Variants in KHDRBS2 observed in about 807,000 individuals in gnomAD.
KHDRBS2 encodes the protein KH RNA binding domain containing, signal transduction associated 2.
KHDRBS2 carries 26 observed loss-of-function variants against 44.3 expected under a neutral mutation model. The observed-to-expected ratio is 0.59, with a 90% CI of 0.43 to 0.81. The LOEUF is 0.81. KHDRBS2 is among the 40% of genes least tolerant of loss of function. KHDRBS2 has a pLI of 0.00. For missense variants in KHDRBS2, 476 were observed against 433.1 expected (o/e 1.10, Z -0.88); for synonymous variants, 194 against 151.1 (o/e 1.28, Z -2.08).
At chr6:62,274,309 T>C (rs1840563875) in intron 1 of KHDRBS2, among the ~76,000 whole-genome samples, 1 of 152,182 alleles carries the variant, frequency 6.6e-6, no homozygotes, top group Non-Finnish European at 1.5e-5. Context: ...CTTGTACCTA[T>C]CCAATCCAGT....
intron 2 of KHDRBS2, among the ~76,000 whole-genome samples, chr6:62,064,998 A>C (rs1793204571): frequency 6.6e-6 from 1 of 152,188 alleles, no homozygotes; most frequent in South Asian, 2.1e-4. Flanking sequence ...TCTCAAAAGA[A>C]GACATTTATG....
the KHDRBS2 span, among the ~76,000 whole-genome samples, chr6:61,616,115 A>G: frequency 0.2 from 30,080 of 152,078 alleles, 3,444 homozygotes; most frequent in South Asian, 0.33. Context: ...GGAACTAACT[A>G]TAGACAAACG....
At chr6:61,716,994 C>T (rs763410415) in intron 7 of KHDRBS2, among the ~76,000 whole-genome samples, 9 of 152,170 alleles carry the variant, frequency 5.9e-5, no homozygotes, top group Non-Finnish European at 1.2e-4. Context: ...GGCATGTTGA[C>T]ATGCCTTGAT....
chr6:61,600,373 A>T, the KHDRBS2 span, among the ~76,000 whole-genome samples: 2 of 152,148 alleles, frequency 1.3e-5, no homozygotes, highest in African/African-American at 2.4e-5. Context: ...TGACATTACC[A>T]TGTGAAATTC....
intron 1 of KHDRBS2, among the ~76,000 whole-genome samples, chr6:62,196,775 T>G (rs986764542): frequency 2.0e-5 from 3 of 151,974 alleles, no homozygotes; most frequent in African/African-American, 7.2e-5. Context: ...AGGCAAGGAC[T>G]TGGGGGATTT....
At chr6:61,564,435 C>G in the KHDRBS2 span, among the ~76,000 whole-genome samples, 2 of 152,064 alleles carry the variant, frequency 1.3e-5, no homozygotes, top group East Asian at 3.9e-4. Context: ...ACATGGCCCA[C>G]ATTTACATAA....
At chr6:61,955,470 A>ATATACACATACGTATGTGTATG (rs1766753961) in intron 4 of KHDRBS2, among the ~76,000 whole-genome samples, 1 of 33,168 alleles carries the variant, frequency 3.0e-5, no homozygotes, top group Non-Finnish European at 5.4e-5. Flanking sequence ...ATATGTGTAT[A>ATATACACATACGTATGTGTATG]TATACACATA....
At chr6:61,662,725 G>T in the KHDRBS2 span, among the ~76,000 whole-genome samples, 1 of 151,892 alleles carries the variant, frequency 6.6e-6, no homozygotes, top group Non-Finnish European at 1.5e-5. Context: ...AGTTAGAATG[G>T]CGATCATTAA....
chr6:61,593,749 A>T, the KHDRBS2 span, among the ~76,000 whole-genome samples: 1 of 152,136 alleles, frequency 6.6e-6, no homozygotes, highest in Non-Finnish European at 1.5e-5. Context: ...AGTGTCTGTA[A>T]TATCTGTATG....
At chr6:61,702,864 C>T (rs1047096571) in intron 7 of KHDRBS2, among the ~76,000 whole-genome samples, 1 of 151,784 alleles carries the variant, frequency 6.6e-6, no homozygotes, top group African/African-American at 2.4e-5. Context: ...AGTCAAAAAG[C>T]CAAAATCGTG....
the KHDRBS2 span, among the ~76,000 whole-genome samples, chr6:61,613,561 T>C: frequency 6.6e-6 from 1 of 152,166 alleles, no homozygotes; most frequent in Non-Finnish European, 1.5e-5. Context: ...CATCCACATT[T>C]CTTTTTTTCT....
At chr6:62,202,916 A>C (rs1827273031) in intron 1 of KHDRBS2, among the ~76,000 whole-genome samples, 2 of 152,136 alleles carry the variant, frequency 1.3e-5, no homozygotes, top group Non-Finnish European at 2.9e-5. Context: ...AGCTTATGGC[A>C]GAAAAGGTCA....
At chr6:61,551,425 C>T in the KHDRBS2 span, among the ~76,000 whole-genome samples, 1 of 152,146 alleles carries the variant, frequency 6.6e-6, no homozygotes, top group African/African-American at 2.4e-5. Context: ...GCATCATTGT[C>T]ATGAAATCTT....
At chr6:61,819,032 T>C (rs1005164036) in intron 6 of KHDRBS2, among the ~76,000 whole-genome samples, 1 of 152,020 alleles carries the variant, frequency 6.6e-6, no homozygotes, top group Admixed American at 6.6e-5. Flanking sequence ...AATTAACTAC[T>C]TCCTCTAATT....
At chr6:61,734,966 C>T (rs1361508220) in intron 6 of KHDRBS2, among the ~76,000 whole-genome samples, 1 of 152,166 alleles carries the variant, frequency 6.6e-6, no homozygotes, top group African/African-American at 2.4e-5. Context: ...AGGCCTCTTT[C>T]ACCATTGTTG....
intron 4 of KHDRBS2, among the ~76,000 whole-genome samples, chr6:61,918,439 T>G (rs184357304): frequency 1.8e-3 from 279 of 151,988 alleles, no homozygotes; most frequent in African/African-American, 6.2e-3. Flanking sequence ...GGTTTGGATG[T>G]TGTTAGGAAG....
the KHDRBS2 span, among the ~76,000 whole-genome samples, chr6:61,594,549 C>T: frequency 1.3e-5 from 2 of 151,964 alleles, no homozygotes; most frequent in Non-Finnish European, 2.9e-5. Context: ...TTAAAATGGC[C>T]ATGGTTAGAG....
chr6:61,941,552 GA>G (rs1311258049), intron 4 of KHDRBS2, among the ~76,000 whole-genome samples: 1 of 152,092 alleles, frequency 6.6e-6, no homozygotes, highest in Non-Finnish European at 1.5e-5. Context: ...ACTAGGGCCT[GA>G]AGACTGATCT....
the KHDRBS2 span, among the ~76,000 whole-genome samples, chr6:61,543,297 A>G: frequency 6.6e-6 from 1 of 152,192 alleles, no homozygotes; most frequent in Middle Eastern, 3.4e-3. Flanking sequence ...TTAAATGAGC[A>G]AAAGATCTCA....
Sources: allele counts gnomAD v4.1 joint callset (sites outside exome capture counted in the v4.1 genomes callset), GRCh38; gene constraint gnomAD v4.1.1; transcripts MANE v1.5; gene names NCBI Gene and HGNC (gene_info 2026-07-23, HGNC 2026-07-21).